LIX1L: variants seen among roughly 807,000 people sequenced by gnomAD.
LIX1L encodes the protein LIX1-like protein.
A neutral mutation model predicts 34.0 loss-of-function variants in LIX1L; 20 were observed. That is an observed-to-expected ratio of 0.59 (90% CI 0.41 to 0.85). LIX1L has a LOEUF of 0.85. LIX1L is among the 40% of genes least tolerant of loss of function. The probability of loss-of-function intolerance (pLI) is 0.00; values close to 1 mark genes in which losing one functional copy is unlikely to be tolerated. For synonymous variants in LIX1L, 170 were observed against 187.4 expected, an observed-to-expected ratio of 0.91 and a Z score of 0.76; for missense variants, 397 against 447.0, an observed-to-expected ratio of 0.89 and a Z score of 1.01.
At chr1:145,956,505 T>C (rs1294309561) in intron 1 of LIX1L, among the ~76,000 whole-genome samples, 2 of 152,162 alleles carry the variant, frequency 1.3e-5, no homozygotes, top group Non-Finnish European at 2.9e-5. Flanking sequence ...CCCCAAAGAT[T>C]TGGCTGGTAA....
At chr1:145,945,400 G>T (rs1165225940) in intron 2 of LIX1L, among the ~76,000 whole-genome samples, 6 of 152,038 alleles carry the variant, frequency 3.9e-5, no homozygotes, top group Non-Finnish European at 7.4e-5. Flanking sequence ...TTCAGTTATG[G>T]GCATTGTCAT....
At chr1:145,947,334 G>C in intron 2 of LIX1L, 1 of 348,840 alleles carries the variant, frequency 2.9e-6, no homozygotes, top group East Asian at 4.5e-5. Context: ...AATAACTGAA[G>C]CCAGATTGGA....
intron 3 of LIX1L, 139 bp downstream of exon 3, chr1:145,942,572 CAG>C (rs782015306): frequency 5.4e-5 from 41 of 755,164 alleles, no homozygotes; most frequent in South Asian, 2.0e-4. Context: ...AATAGACTGA[CAG>C]AGAATAAATC....
At chr1:145,951,829 C>G (rs1649309490) in intron 1 of LIX1L, among the ~76,000 whole-genome samples, 1 of 152,094 alleles carries the variant, frequency 6.6e-6, no homozygotes, top group South Asian at 2.1e-4. Flanking sequence ...TGGGAAGGTC[C>G]TATTAAAAAG....
Position 145,957,660 on chromosome 1 carries a change from T to C in LIX1L, c.268A>G (p.Lys90Glu), listed in dbSNP as rs1370618513. Residue 90 changes from lysine to glutamate, a missense_variant, in exon 1 of 6, where the codon AAG becomes GAG. Physicochemically the swap from Lys to Glu is moderately conservative, Grantham distance 56 (BLOSUM62 1). This residue lies in a region of LIX1L where 207 missense variants were observed against 205.2 expected (regional missense o/e 1.01). Coordinates refer to ENST00000604000, the MANE Select transcript of LIX1L (RefSeq NM_153713.3). ...CCTCGGCCATAGCCCTGCGTGTGCT[T>C]GGCGAAGCTCCTCACCACGGCCTCC... ...AVEAVVRSFA[K>E]HTQGYGRVNV... 4 of 1,543,028 alleles carry C rather than the reference T, an allele frequency of 2.6e-6. No individual in the cohort carries two copies. The African/African-American group carries it at 5.7e-5, about 22-fold the overall frequency.
At chr1:145,945,812 G>C (rs1649083665) in intron 2 of LIX1L, among the ~76,000 whole-genome samples, 1 of 151,138 alleles carries the variant, frequency 6.6e-6, no homozygotes, top group Non-Finnish European at 1.5e-5. Context: ...CACAGGCTGG[G>C]CGCAGTGGCT....
In LIX1L at chr1:145,948,571, G is replaced by A. The variant is rs1649185765; in HGVS notation, c.293-789C>T. On this transcript the variant is annotated intron_variant, in intron 1 of 5. Transcript: ENST00000604000. The surrounding 1 kb of genome is among the most constrained non-coding windows in gnomAD (Gnocchi z 4.0). ...ACGAGTGAGAGAAGCCAGGGCATGG[G>A]GGTGGGAGAGAAAACTCTTTTGAGG... Among the ~76,000 whole-genome samples, 1 of 152,274 alleles carries A rather than the reference G, an allele frequency of 6.6e-6. No individual in the cohort carries two copies. The highest frequency in any genetic ancestry group is 2.4e-5 in the African/African-American group (1 of 41,568).
chr1:145,943,072 A>AG (rs1406414253), intron 2 of LIX1L, among the ~76,000 whole-genome samples: 2 of 152,188 alleles, frequency 1.3e-5, no homozygotes, highest in Non-Finnish European at 2.9e-5. Context: ...GAACTGGGAG[A>AG]GGGCTGTAGC....
rs1474953319 is a variant in LIX1L, at chr1:145,943,241, A to G, written c.457-388T>C. Among the ~76,000 whole-genome samples, 17 of 152,210 alleles carry G rather than the reference A, an allele frequency of 1.1e-4. 1 individual carries two copies. Among genetic ancestry groups the G allele is most frequent in the Admixed American group, 1.1e-3 (17 of 15,278 alleles). On this transcript the variant is annotated intron_variant, in intron 2 of 5. Transcript: ENST00000604000. ...TCTGTATCTTGTTCTGCGGACAGGT[A>G]AGGTTTTTTGGATTCCTCTAGATAA...
Position 145,947,710 on chromosome 1 carries a change from G to GCC in LIX1L, c.363_364dup (p.Ala122GlyfsTer3), listed in dbSNP as rs1649162827. On this transcript the variant is annotated frameshift_variant, in exon 2 of 6. Transcript: ENST00000604000. LOFTEE classifies it high-confidence loss of function. ...GGGAACCATCTCATAAACCACTAGA[G>GCC]CCCCATTCTTTAAGTCAGCACCACG... 3 of 1,614,058 alleles carry GCC rather than the reference G, an allele frequency of 1.9e-6. No homozygotes were observed. Among genetic ancestry groups the GCC allele is most frequent in the Non-Finnish European group, 2.5e-6 (3 of 1,180,006 alleles).
At chr1:145,938,960 T>C (rs1442311865) in intron 3 of LIX1L, among the ~76,000 whole-genome samples, 1 of 151,884 alleles carries the variant, frequency 6.6e-6, no homozygotes, top group African/African-American at 2.4e-5. Flanking sequence ...AGGATGTGCA[T>C]AGGTTATATG....
At chr1:145,940,301 A>G (rs1170513726) in intron 3 of LIX1L, among the ~76,000 whole-genome samples, 2 of 151,034 alleles carry the variant, frequency 1.3e-5, no homozygotes, top group East Asian at 1.9e-4. Context: ...AATACTGCAC[A>G]TCCTACTTTC....
At chr1:145,947,904 A>G (rs1344470601) in intron 1 of LIX1L, 122 bp from the exon 2 acceptor site, 5 of 771,884 alleles carry the variant, frequency 6.5e-6, no homozygotes, top group Non-Finnish European at 1.0e-5. Context: ...CTCCCTACCT[A>G]TCGCCATTGA....
At chr1:145,957,519 C>A in intron 1 of LIX1L, 117 bp downstream of exon 1, 1 of 1,305,786 alleles carries the variant, frequency 7.7e-7, no homozygotes, top group Non-Finnish European at 9.7e-7. Flanking sequence ...CAGAAGGAAA[C>A]TCCCCAAAAG....
At chr1:145,942,628 C>T in intron 3 of LIX1L, 85 bp downstream of exon 3, 2 of 1,227,234 alleles carry the variant, frequency 1.6e-6, no homozygotes, top group South Asian at 1.3e-5. Flanking sequence ...AGAATTCATG[C>T]TCTGTTTCAC....
At position 145,933,934 on chromosome 1, in the gene LIX1L, C is replaced by T. The variant is rs999152462; in HGVS notation, c.*2376G>A. The T allele has an allele frequency of 2.6e-5, 4 of 152,160 alleles. No individual in the cohort carries two copies. Among genetic ancestry groups the T allele is most frequent in the Admixed American group, 6.5e-5 (1 of 15,276 alleles). The allele number at this position is 152,160 out of a possible 1,614,324, so 9.4% of individuals were successfully genotyped here. On this transcript the variant is annotated 3_prime_UTR_variant, in exon 6 of 6. Transcript: ENST00000604000. ...GCAAGAAAGTTGCCTTTCATCTTGC[C>T]CCTATCAAATCCAAAAGAGCCAATT... is the stretch of plus-strand genomic sequence containing the variant.
chr1:145,957,741 C>T lies in LIX1L; in HGVS notation c.187G>A (p.Gly63Arg). The T allele has an allele frequency of 1.4e-6, 2 of 1,433,136 alleles. No individual in the cohort carries two copies. Among genetic ancestry groups the T allele is most frequent in the Non-Finnish European group, 1.8e-6 (2 of 1,098,268 alleles). The allele number at this position is 1,433,136 out of a possible 1,614,324, so 88.8% of individuals were successfully genotyped here. A position where few individuals can be genotyped will look rare whatever the true frequency, so the allele number is the denominator to read the frequency against. The part of the protein sequence containing the change: ...PPPLLLSGAP[G>R]LPLPPGAAGS... ...GCGGCGCCGGGGGGCAGGGGTAGTC[C>T]TGGGGCCCCAGACAGGAGCAGCGGC... The change falls in exon 1 of 6, where the codon GGA (glycine) becomes AGA (arginine). Residue 63 changes from glycine (G) to arginine (R), a missense_variant. Physicochemically the swap from Gly to Arg is moderately radical, Grantham distance 125. Transcript: ENST00000604000.
rs889609593 is a variant in LIX1L, at chr1:145,934,872, A to C, written c.*1438T>G. ...ACAAAAACAAAAACAAAACCAAAAAAAAACCACAAATAGGCCAGGCTCAGT... is the reference window on the plus strand; with the variant it reads ...ACAAAAACAAAAACAAAACCAAAAACAAACCACAAATAGGCCAGGCTCAGT... On this transcript the variant is annotated 3_prime_UTR_variant, in exon 6 of 6. Transcript: ENST00000604000. The C allele has an allele frequency of 2.0e-5, 3 of 152,170 alleles. No individual in the cohort carries two copies. The highest frequency in any genetic ancestry group is 7.3e-5 in the African/African-American group (3 of 41,228). 9.4% of individuals were successfully genotyped at this position (152,170 alleles called of 1,614,324 possible).
rs909734039 is a variant in LIX1L, at chr1:145,936,317, T to C, written c.1007A>G (p.Asn336Ser). ...AGQLGNMHSS[N>S]C ...AGTTATGTGGGTGGATGCCTAGCAG[T>C]TGGAAGAATGCATATTGCCCAACTG... Residue 336 changes from asparagine (N) to serine (S), a missense_variant, in exon 6 of 6, where the codon AAC becomes AGC. This residue lies in a region of LIX1L where 174 missense variants were observed against 204.0 expected (regional missense o/e 0.85). Transcript: ENST00000604000. 4 of 1,614,094 alleles carry C rather than the reference T, an allele frequency of 2.5e-6. No homozygotes were observed. Among genetic ancestry groups the C allele is most frequent in the Admixed American group, 1.7e-5 (1 of 60,010 alleles).
Sources: allele counts gnomAD v4.1 joint callset (sites outside exome capture counted in the v4.1 genomes callset), GRCh38; gene constraint gnomAD v4.1.1; regional missense constraint gnomAD v4.1.1; non-coding constraint Gnocchi (gnomAD v3.1); transcripts MANE v1.5; gene names NCBI Gene and HGNC (gene_info 2026-07-23, HGNC 2026-07-21).